Variants in MGST1 observed in about 807,000 individuals in gnomAD.
MGST1 encodes the protein microsomal glutathione S-transferase 1, also known as glutathione S-transferase 12.
A neutral mutation model predicts 8.9 loss-of-function variants in MGST1; 5 were observed. The observed-to-expected ratio is 0.56, with a 90% CI of 0.29 to 1.19. The LOEUF is 1.19. Ranked by LOEUF, MGST1 falls within the 50% of genes most tolerant of loss-of-function variation. The pLI, the probability that MGST1 is intolerant of heterozygous loss-of-function variation, is 0.08. For synonymous variants in MGST1, 54 were observed against 67.8 expected, an observed-to-expected ratio of 0.80 and a Z score of 1.00; for missense variants, 182 against 187.4, an observed-to-expected ratio of 0.97 and a Z score of 0.17.
rs963433420 is a variant in MGST1, at chr12:16,361,666, G to C, written c.222-2129G>C. ...GCAGGTGCTCACAGGGAAAGCTGGGGAACTGTTTGCCTGGAACAGAGTCTC... is the reference window on the plus strand; with the variant it reads ...GCAGGTGCTCACAGGGAAAGCTGGGCAACTGTTTGCCTGGAACAGAGTCTC... On this transcript the variant is annotated intron_variant, in intron 3 of 3. Coordinates refer to ENST00000396210, the MANE Select transcript of MGST1 (RefSeq NM_020300.5). The surrounding 1 kb of genome is among the most constrained non-coding windows in gnomAD (Gnocchi z 4.2). Among the ~76,000 whole-genome samples the C allele has an allele frequency of 6.6e-6, 1 of 152,144 alleles. No homozygotes were observed. Among genetic ancestry groups the C allele is most frequent in the Non-Finnish European group, 1.5e-5 (1 of 68,016 alleles).
At chr12:16,436,905 G>C (rs1243005926) in intron 1 of MGST1, among the ~76,000 whole-genome samples, 2 of 151,948 alleles carry the variant, frequency 1.3e-5, no homozygotes, top group African/African-American at 4.8e-5. Flanking sequence ...TATAAAAAAA[G>C]ATATGACATG....
At chr12:16,424,042 T>C (rs533087847) in intron 1 of MGST1, among the ~76,000 whole-genome samples, 1 of 152,340 alleles carries the variant, frequency 6.6e-6, no homozygotes, top group East Asian at 1.9e-4. Context: ...TAGCTTTGTT[T>C]TATGGCTATG....
Position 16,458,929 on chromosome 12 carries a change from C to T in MGST1, n.482+75325C>T, listed in dbSNP as rs904728096. ...CTGAGCTGAGAGCAGGGAATTCTTA[C>T]AGAAATCTAAGTAGTTCCAAGCTAT... On this transcript the variant is annotated intron_variant and non_coding_transcript_variant, in intron 4 of 4. Coordinates refer to the MGST1 transcript ENST00000538857. This position sits in a 1 kb window ranked among gnomAD's most constrained non-coding sequence, Gnocchi z 4.0. Among the ~76,000 whole-genome samples the T allele has an allele frequency of 3.3e-5, 5 of 152,006 alleles. No homozygotes were observed. Among genetic ancestry groups the T allele is most frequent in the African/African-American group, 1.2e-4 (5 of 41,420 alleles).
chr12:16,417,575 A>T (rs1370625295), intron 1 of MGST1, among the ~76,000 whole-genome samples: 1 of 152,182 alleles, frequency 6.6e-6, no homozygotes, highest in Non-Finnish European at 1.5e-5. Flanking sequence ...GTAGCAGATC[A>T]ATGAAAGAAT....
Position 16,392,600 on chromosome 12 carries a change from C to G in MGST1, n.778+8996C>G, listed in dbSNP as rs183537683. Among the ~76,000 whole-genome samples, 192 of 152,226 alleles carry G rather than the reference C, an allele frequency of 1.3e-3. 1 individual carries two copies. Among genetic ancestry groups the G allele is most frequent in the African/African-American group, 4.4e-3 (182 of 41,554 alleles). The stretch of plus-strand genomic sequence containing the variant: ...TCAAGTCATAATCTCAACTCCAGTC[C>G]TTCACTTTTGTTCCAGAAATAAGAA... On this transcript the variant is annotated intron_variant and non_coding_transcript_variant, in intron 1 of 1. Transcript: ENST00000359720.
In MGST1 at chr12:16,401,974, A is replaced by T; in HGVS notation, n.778+18370A>T. 3.1e-6 allele frequency: 5 copies of T among 1,612,198 alleles called. No homozygotes were observed. Among genetic ancestry groups the T allele is most frequent in the Non-Finnish European group, 4.2e-6 (5 of 1,178,242 alleles). ...CCTTCTTTGTTGAGGCAGTCATTCC[A>T]GCTCTTCATGAACTCTCCAGGGAAT... On this transcript the variant is annotated intron_variant and non_coding_transcript_variant, in intron 1 of 1. Coordinates refer to the MGST1 transcript ENST00000359720. The surrounding 1 kb of genome is among the most constrained non-coding windows in gnomAD (Gnocchi z 4.3).
At chr12:16,558,822 CTT>C (rs1043920751) in intron 4 of MGST1, among the ~76,000 whole-genome samples, 17 of 152,222 alleles carry the variant, frequency 1.1e-4, no homozygotes, top group Non-Finnish European at 1.9e-4. Flanking sequence ...AGATAACTAA[CTT>C]TTGAGAACCT....
rs768109573 is a variant in MGST1 at position 16,354,385 on chromosome 12, A to T, written c.126+7A>T. ...CTATAGATTGACAAGAAAGGTAAGA[A>T]ATTTGGAGGTAATATTTTCTTACTT... On this transcript the variant is annotated splice_region_variant and intron_variant, in intron 2 of 3. Transcript: ENST00000396210. 1 of 1,585,746 alleles carries T rather than the reference A, an allele frequency of 6.3e-7. No homozygotes were observed. Among genetic ancestry groups the T allele is most frequent in the Non-Finnish European group, 8.5e-7 (1 of 1,172,866 alleles).
chr12:16,508,612 A>T (rs888636556), intron 4 of MGST1, among the ~76,000 whole-genome samples: 3 of 152,188 alleles, frequency 2.0e-5, no homozygotes, highest in Non-Finnish European at 4.4e-5. Flanking sequence ...TCATCATTTC[A>T]TTTGGTAATC....
intron 4 of MGST1, among the ~76,000 whole-genome samples, chr12:16,583,678 T>C (rs1214576338): frequency 6.6e-6 from 1 of 152,230 alleles, no homozygotes; most frequent in Non-Finnish European, 1.5e-5. Context: ...TGTTATTTGC[T>C]TGTTTCTAGC....
intron 4 of MGST1, among the ~76,000 whole-genome samples, chr12:16,507,214 G>A (rs552608040): frequency 2.2e-4 from 34 of 152,270 alleles, no homozygotes; most frequent in African/African-American, 8.2e-4. Context: ...GGAGGTTGGA[G>A]AAAGAAGACA....
chr12:16,417,285 CAT>C (rs1940796051), intron 1 of MGST1, among the ~76,000 whole-genome samples: 1 of 152,060 alleles, frequency 6.6e-6, no homozygotes, highest in African/African-American at 2.4e-5. Context: ...AAATGCCAGA[CAT>C]AAAACCTTCA....
chr12:16,536,476 T>C (rs1941757633), intron 4 of MGST1, among the ~76,000 whole-genome samples: 1 of 152,206 alleles, frequency 6.6e-6, no homozygotes, highest in Non-Finnish European at 1.5e-5. Flanking sequence ...CTTGAAATCA[T>C]TTAGAACTGA....
chr12:16,359,719 C>T (rs761275560), intron 3 of MGST1, among the ~76,000 whole-genome samples: 1 of 152,200 alleles, frequency 6.6e-6, no homozygotes, highest in Non-Finnish European at 1.5e-5. Context: ...GAGCAGGCAG[C>T]CGCCTGCATG....
Position 16,551,418 on chromosome 12 carries a change from A to G in MGST1, n.483-38110A>G, listed in dbSNP as rs71539438. The stretch of plus-strand genomic sequence containing the variant: ...TTTATTTTCCTATTAATAGTTTCGC[A>G]TGGTAATTCCCTGAATCTGAAAACC... On this transcript the variant is annotated intron_variant and non_coding_transcript_variant, in intron 4 of 4. Transcript: ENST00000538857. The G allele has an allele frequency of 4.0e-3, 3,082 of 761,844 alleles. 17 individuals are homozygous for G. The highest frequency in any genetic ancestry group is 0.013 in the Middle Eastern group (53 of 3,952). The allele number at this position is 761,844 out of a possible 1,614,324, so 47.2% of individuals were successfully genotyped here. A position where few individuals can be genotyped will look rare whatever the true frequency, so the allele number is the denominator to read the frequency against.
rs114349741 is a variant in MGST1 at position 16,401,890 on chromosome 12, C to G, written n.778+18286C>G. On this transcript the variant is annotated intron_variant and non_coding_transcript_variant, in intron 1 of 1. Transcript: ENST00000359720. This position sits in a 1 kb window ranked among gnomAD's most constrained non-coding sequence, Gnocchi z 4.3. ...GCTTTCTTCATTAATTTGAGCTCCC[C>G]ATCCTCCCTTACAGCGACTGTATAT... 6.2e-7 allele frequency: 1 copy of G among 1,603,988 alleles called. No individual in the cohort carries two copies. The highest frequency in any genetic ancestry group is 1.3e-5 in the African/African-American group (1 of 74,694).
chr12:16,475,654 G>C lies in MGST1; in HGVS notation n.482+92050G>C, dbSNP rs559189659. On this transcript the variant is annotated intron_variant and non_coding_transcript_variant, in intron 4 of 4. Coordinates refer to the MGST1 transcript ENST00000538857. Reference sequence around the variant, plus strand: ...AGCAATTCAGCTGCATAGAAATATGGTTGGCTGGGCTCATGTTGGTTAAGG... The same window carrying C: ...AGCAATTCAGCTGCATAGAAATATGCTTGGCTGGGCTCATGTTGGTTAAGG... Among the ~76,000 whole-genome samples, 3 of 152,268 alleles carry C rather than the reference G, an allele frequency of 2.0e-5. No homozygotes were observed. The East Asian group carries it at 5.8e-4, about 29-fold the overall frequency.
chr12:16,440,942 A>G (rs1295529702), downstream of MGST1, among the ~76,000 whole-genome samples: 2 of 151,798 alleles, frequency 1.3e-5, no homozygotes, highest in Admixed American at 6.6e-5. Flanking sequence ...CTCACTATAG[A>G]TTGAATTTGC....
chr12:16,467,179 C>T (rs1004591136), intron 4 of MGST1, among the ~76,000 whole-genome samples: 2 of 152,166 alleles, frequency 1.3e-5, no homozygotes, highest in Non-Finnish European at 2.9e-5. Flanking sequence ...TTCAAGTCTG[C>T]GTGAAAGATG....
Sources: allele counts gnomAD v4.1 joint callset (sites outside exome capture counted in the v4.1 genomes callset), GRCh38; gene constraint gnomAD v4.1.1; non-coding constraint Gnocchi (gnomAD v3.1); transcripts MANE v1.5; gene names NCBI Gene and HGNC (gene_info 2026-07-23, HGNC 2026-07-21).